The following PCDH9 variants were observed in gnomAD, a reference collection of about 807,000 sequenced individuals.
PCDH9 encodes protocadherin-9.
In PCDH9, 24 loss-of-function variants were observed where a neutral mutation model predicts 70.6. The observed-to-expected ratio is 0.34, with a 90% CI of 0.25 to 0.48. The LOEUF (loss-of-function observed/expected upper bound fraction) is 0.48. PCDH9 is among the 20% of genes least tolerant of loss of function. The probability of loss-of-function intolerance (pLI) is 0.99; values close to 1 mark genes in which losing one functional copy is unlikely to be tolerated. For synonymous variants in PCDH9, 562 were observed against 558.5 expected, an observed-to-expected ratio of 1.01 and a Z score of -0.09; for missense variants, 1,281 against 1,503.6, an observed-to-expected ratio of 0.85 and a Z score of 2.45.
intron 4 of PCDH9, among the ~76,000 whole-genome samples, chr13:66,544,132 A>C (rs941286348): frequency 4.6e-5 from 7 of 152,184 alleles, no homozygotes; most frequent in Admixed American, 1.3e-4. Context: ...TTGATGCCTT[A>C]TTTAAAGAGC....
At chr13:66,462,387 G>A (rs767818975) in intron 4 of PCDH9, among the ~76,000 whole-genome samples, 1 of 151,828 alleles carries the variant, frequency 6.6e-6, no homozygotes, top group Non-Finnish European at 1.5e-5. Context: ...GTCAGGAAGA[G>A]ACATCTATTG....
intron 2 of PCDH9, among the ~76,000 whole-genome samples, chr13:67,160,503 C>T (rs368151699): frequency 6.6e-5 from 10 of 151,626 alleles, no homozygotes; most frequent in African/African-American, 1.9e-4. Flanking sequence ...GCTGAGATCG[C>T]GCCACTGCAC....
At chr13:66,939,086 T>C (rs951437463) in intron 2 of PCDH9, among the ~76,000 whole-genome samples, 1 of 152,072 alleles carries the variant, frequency 6.6e-6, no homozygotes, top group Non-Finnish European at 1.5e-5. Flanking sequence ...GGCCCAATGT[T>C]TTTTTTTCTT....
intron 3 of PCDH9, among the ~76,000 whole-genome samples, chr13:66,662,389 T>C (rs1165996833): frequency 6.6e-6 from 1 of 151,816 alleles, no homozygotes; most frequent in Non-Finnish European, 1.5e-5. Flanking sequence ...AGGAGAATTG[T>C]TTGAACTTGG....
chr13:66,430,007 T>G (rs950278224), intron 4 of PCDH9, among the ~76,000 whole-genome samples: 1 of 152,036 alleles, frequency 6.6e-6, no homozygotes, highest in African/African-American at 2.4e-5. Flanking sequence ...CCAAAAGAGC[T>G]CTCTTGTATA....
intron 4 of PCDH9, among the ~76,000 whole-genome samples, chr13:66,586,726 T>G (rs571576046): frequency 1.3e-5 from 2 of 152,304 alleles, no homozygotes; most frequent in African/African-American, 4.8e-5. Flanking sequence ...TGCAAACTAC[T>G]GACACATCAA....
At chr13:66,527,698 G>A (rs1960275553) in intron 4 of PCDH9, among the ~76,000 whole-genome samples, 1 of 152,078 alleles carries the variant, frequency 6.6e-6, no homozygotes, top group East Asian at 1.9e-4. Flanking sequence ...AAAAAAGAAA[G>A]TATAAAGGAA....
intron 2 of PCDH9, among the ~76,000 whole-genome samples, chr13:67,183,328 A>T (rs1438927264): frequency 1.3e-5 from 2 of 152,166 alleles, no homozygotes; most frequent in Admixed American, 1.3e-4. Flanking sequence ...TAGTGTAGGT[A>T]AATATATTTT....
At chr13:67,113,861 A>G (rs991752726) in intron 2 of PCDH9, among the ~76,000 whole-genome samples, 25 of 152,178 alleles carry the variant, frequency 1.6e-4, no homozygotes, top group Non-Finnish European at 2.9e-5. Context: ...CATTTGGATC[A>G]CACTGAGAAA....
intron 2 of PCDH9, among the ~76,000 whole-genome samples, chr13:67,178,709 T>C (rs1378223591): frequency 6.6e-6 from 1 of 152,116 alleles, no homozygotes; most frequent in Non-Finnish European, 1.5e-5. Context: ...TCTTTGTCAT[T>C]TAAGTTCTAC....
chr13:67,217,834 T>A (rs1178378385), intron 2 of PCDH9: 2 of 151,982 alleles, frequency 1.3e-5, no homozygotes, highest in African/African-American at 4.8e-5. Context: ...GAAGGCCAGA[T>A]CATGGGCATC....
intron 4 of PCDH9, among the ~76,000 whole-genome samples, chr13:66,590,204 A>C (rs1370597229): frequency 6.6e-6 from 1 of 151,952 alleles, no homozygotes; most frequent in Non-Finnish European, 1.5e-5. Context: ...ATTTTTATGC[A>C]TTTATATAGG....
At chr13:66,396,692 C>T (rs1184902800) in intron 4 of PCDH9, among the ~76,000 whole-genome samples, 1 of 152,148 alleles carries the variant, frequency 6.6e-6, no homozygotes, top group East Asian at 1.9e-4. Context: ...ACCCACCTTG[C>T]CACATACCAA....
chr13:66,509,740 A>G (rs1014036227), intron 4 of PCDH9, among the ~76,000 whole-genome samples: 1 of 152,110 alleles, frequency 6.6e-6, no homozygotes, highest in Non-Finnish European at 1.5e-5. Flanking sequence ...ATCATGAGCC[A>G]CCACACCCGG....
At chr13:66,761,786 T>C (rs1408522667) in intron 3 of PCDH9, among the ~76,000 whole-genome samples, 3 of 151,642 alleles carry the variant, frequency 2.0e-5, no homozygotes, top group Non-Finnish European at 2.9e-5. Context: ...TTGTTTATTG[T>C]TTCTTTGTAG....
intron 3 of PCDH9, among the ~76,000 whole-genome samples, chr13:66,712,657 A>G (rs1369257241): frequency 6.6e-6 from 1 of 152,166 alleles, no homozygotes; most frequent in African/African-American, 2.4e-5. Flanking sequence ...TCATACTGGA[A>G]ATTATACTGT....
At chr13:66,899,947 A>C (rs1490621435) in intron 3 of PCDH9, among the ~76,000 whole-genome samples, 2 of 151,952 alleles carry the variant, frequency 1.3e-5, no homozygotes, top group African/African-American at 2.4e-5. Context: ...TTTGTGTTTG[A>C]AGGTAAAGTC....
chr13:66,669,621 T>C (rs376422548), intron 3 of PCDH9, among the ~76,000 whole-genome samples: 5 of 151,968 alleles, frequency 3.3e-5, no homozygotes. Flanking sequence ...GAAAACCAAA[T>C]GGGAATGGAG....
At chr13:66,495,758 C>T (rs1959106990) in intron 4 of PCDH9, among the ~76,000 whole-genome samples, 1 of 152,158 alleles carries the variant, frequency 6.6e-6, no homozygotes, top group Non-Finnish European at 1.5e-5. Flanking sequence ...CATTCCACTT[C>T]AGGCTAAGCC....
Sources: allele counts gnomAD v4.1 joint callset (sites outside exome capture counted in the v4.1 genomes callset), GRCh38; gene constraint gnomAD v4.1.1; transcripts MANE v1.5; gene names NCBI Gene and HGNC (gene_info 2026-07-23, HGNC 2026-07-21).